The following MLLT10 variants were observed in gnomAD, a reference collection of about 807,000 sequenced individuals.
MLLT10 encodes the protein protein AF-10.
MLLT10 carries 30 observed loss-of-function variants against 129.1 expected under a neutral mutation model. The observed-to-expected ratio is 0.23, with a 90% CI of 0.17 to 0.32. The LOEUF (loss-of-function observed/expected upper bound fraction) is 0.32, where lower values mean the gene tolerates loss of function less well. Ranked by LOEUF, MLLT10 falls within the 10% of genes least tolerant of loss-of-function variation. The probability of loss-of-function intolerance (pLI) is 1.00; values close to 1 mark genes in which losing one functional copy is unlikely to be tolerated. For missense variants in MLLT10, 1,119 were observed against 1,268.3 expected (o/e 0.88, Z 1.79); for synonymous variants, 490 against 446.4 (o/e 1.10, Z -1.23).
intron 3 of MLLT10, among the ~76,000 whole-genome samples, chr10:21,564,731 G>T (rs934505082): frequency 6.6e-6 from 1 of 151,818 alleles, no homozygotes; most frequent in Admixed American, 6.6e-5. Context: ...GGCTGAGGCA[G>T]GAGAATTGCT....
chr10:21,627,463 C>T (rs1447737945), intron 8 of MLLT10, among the ~76,000 whole-genome samples: 1 of 152,166 alleles, frequency 6.6e-6, no homozygotes, highest in Non-Finnish European at 1.5e-5. Context: ...CTTCCATGTC[C>T]AGGATCCAAT....
intron 5 of MLLT10, among the ~76,000 whole-genome samples, chr10:21,612,123 T>C (rs1020376925): frequency 6.6e-6 from 1 of 152,202 alleles, no homozygotes; most frequent in Non-Finnish European, 1.5e-5. Flanking sequence ...CTGATGAAGA[T>C]AATGCCTTTG....
At chr10:21,650,163 C>G (rs2048881813) in intron 8 of MLLT10, among the ~76,000 whole-genome samples, 1 of 151,810 alleles carries the variant, frequency 6.6e-6, no homozygotes, top group Non-Finnish European at 1.5e-5. Context: ...CAAAATCACA[C>G]CACTGCACTC....
chr10:21,601,496 A>G (rs1795817600), intron 5 of MLLT10, among the ~76,000 whole-genome samples: 1 of 152,166 alleles, frequency 6.6e-6, no homozygotes, highest in Non-Finnish European at 1.5e-5. Flanking sequence ...TCACTCACCA[A>G]CATTGCCTAT....
At chr10:21,625,775 ACAGCTTCCTGTG>A in intron 8 of MLLT10, 1 of 768,372 alleles carries the variant, frequency 1.3e-6, no homozygotes, top group Non-Finnish European at 2.4e-6. Context: ...TCACAGTTTC[ACAGCTTCCTGTG>A]CAGCTTCCTT....
At chr10:21,638,268 G>GGGCGGC (rs1554827289) in intron 8 of MLLT10, among the ~76,000 whole-genome samples, 1 of 102,518 alleles carries the variant, frequency 9.8e-6, no homozygotes, top group African/African-American at 3.9e-5. Context: ...GGGGGGAGGG[G>GGGCGGC]GGCGGGGGCA....
At chr10:21,582,140 G>T (rs374024607) in intron 3 of MLLT10, among the ~76,000 whole-genome samples, 79 of 150,152 alleles carry the variant, frequency 5.3e-4, no homozygotes, top group African/African-American at 1.9e-3. Context: ...AAAATTTTTT[G>T]AGGTGGAGTC....
intron 5 of MLLT10, among the ~76,000 whole-genome samples, chr10:21,601,658 A>G (rs982105380): frequency 1.3e-5 from 2 of 152,170 alleles, no homozygotes; most frequent in African/African-American, 4.8e-5. Flanking sequence ...TCTCCTGAGT[A>G]ACTAGGAGTA....
chr10:21,629,937 T>C (rs889682139), intron 8 of MLLT10, among the ~76,000 whole-genome samples: 1 of 152,150 alleles, frequency 6.6e-6, no homozygotes, highest in Non-Finnish European at 1.5e-5. Flanking sequence ...ATTCTAGCCT[T>C]GACAACAGAA....
At chr10:21,657,048 T>G (rs897912475) in intron 9 of MLLT10, among the ~76,000 whole-genome samples, 2 of 152,142 alleles carry the variant, frequency 1.3e-5, no homozygotes, top group African/African-American at 4.8e-5. Flanking sequence ...TTCTGAGCAC[T>G]TCAAACTAGT....
intron 5 of MLLT10, among the ~76,000 whole-genome samples, chr10:21,611,835 G>A (rs1225904658): frequency 2.0e-5 from 3 of 152,156 alleles, no homozygotes; most frequent in Admixed American, 1.3e-4. Context: ...CAGCCTACCC[G>A]TATAGGATTC....
chr10:21,699,870 G>T (rs2054736267), intron 13 of MLLT10, among the ~76,000 whole-genome samples: 1 of 151,946 alleles, frequency 6.6e-6, no homozygotes, highest in African/African-American at 2.4e-5. Flanking sequence ...TTCTTTCTTG[G>T]CTCCATACAA....
At chr10:21,709,740 C>T (rs2055890755) in intron 13 of MLLT10, among the ~76,000 whole-genome samples, 1 of 151,848 alleles carries the variant, frequency 6.6e-6, no homozygotes, top group Non-Finnish European at 1.5e-5. Context: ...CTTTTTCTTC[C>T]TTTCCTTTCT....
chr10:21,656,127 T>G (rs927105450), intron 9 of MLLT10, among the ~76,000 whole-genome samples: 2 of 152,096 alleles, frequency 1.3e-5, no homozygotes, highest in African/African-American at 2.4e-5. Flanking sequence ...AGTATGGGCT[T>G]CTTCTTGATC....
intron 13 of MLLT10, among the ~76,000 whole-genome samples, chr10:21,704,738 T>C (rs1286442512): frequency 1.3e-5 from 2 of 152,052 alleles, no homozygotes; most frequent in Non-Finnish European, 2.9e-5. Flanking sequence ...ATTGAAGATA[T>C]ATCTATGGTG....
intron 8 of MLLT10, among the ~76,000 whole-genome samples, chr10:21,650,275 T>C (rs2048893615): frequency 6.6e-6 from 1 of 151,954 alleles, no homozygotes; most frequent in African/African-American, 2.4e-5. Context: ...TGCTGGAGCC[T>C]AGGAGGTTGA....
intron 14 of MLLT10, among the ~76,000 whole-genome samples, chr10:21,717,579 T>TTTCTTCCTCTTCC (rs1242593079): frequency 7.9e-6 from 1 of 126,006 alleles, no homozygotes; most frequent in Non-Finnish European, 1.7e-5. Flanking sequence ...CTTCCTCTTC[T>TTTCTTCCTCTTCC]TTCTTCCTCT....
intron 8 of MLLT10, chr10:21,624,688 C>T: frequency 1.4e-6 from 2 of 1,404,614 alleles, no homozygotes; most frequent in Non-Finnish European, 1.0e-6. Context: ...GAAGCGGCTG[C>T]TGAGCGATGG....
chr10:21,586,755 T>G (rs1022067181), intron 4 of MLLT10, among the ~76,000 whole-genome samples: 1 of 151,946 alleles, frequency 6.6e-6, no homozygotes, highest in Admixed American at 6.6e-5. Flanking sequence ...GGTGTGGTGG[T>G]GCCTGCCTGT....
Sources: gnomAD v4.1 joint callset for allele counts (sites outside exome capture counted in the v4.1 genomes callset) on GRCh38, gnomAD v4.1.1 for gene constraint, MANE v1.5 for transcripts, NCBI Gene and HGNC (gene_info 2026-07-23, HGNC 2026-07-21) for gene names.